The following VEZT variants were observed in gnomAD, a reference collection of about 807,000 sequenced individuals.
VEZT encodes the protein vezatin, adherens junctions transmembrane protein, also known as vezatin.
VEZT carries 39 observed loss-of-function variants against 79.9 expected under a neutral mutation model. That is an observed-to-expected ratio of 0.49 (90% confidence interval 0.38 to 0.64). The LOEUF (loss-of-function observed/expected upper bound fraction) is 0.64. Among genes scored for constraint, VEZT ranks in the 30% least tolerant of loss-of-function variants. The probability of loss-of-function intolerance (pLI) is 0.00; values close to 1 mark genes in which losing one functional copy is unlikely to be tolerated. For synonymous variants in VEZT, 325 were observed against 327.6 expected (o/e 0.99, Z 0.09); for missense variants, 837 against 893.1 (o/e 0.94, Z 0.80).
chr12:95,234,921 C>G (rs1274043102), intron 1 of VEZT, among the ~76,000 whole-genome samples: 1 of 152,060 alleles, frequency 6.6e-6, no homozygotes, highest in Non-Finnish European at 1.5e-5. Context: ...CGCCCTTAAT[C>G]CATTCAACCC....
chr12:95,261,534 C>T (rs910886323), intron 3 of VEZT, among the ~76,000 whole-genome samples: 8 of 152,250 alleles, frequency 5.3e-5, no homozygotes, highest in Middle Eastern at 3.4e-3. Flanking sequence ...GCCTCAGCTT[C>T]CCAAGTAGCC....
At position 95,262,948 on chromosome 12, in the gene VEZT, C is replaced by G. The variant is rs1379635358; in HGVS notation, c.301C>G (p.Gln101Glu). ...RLDSLHTILQQEVLLQEDVEL... is the reference protein window; with the variant it reads ...RLDSLHTILQEEVLLQEDVEL... ...CGACTCATTACATACCATCCTGCAA[C>G]AGGAAGTCCTGTTACAAGAGGATGT... The change falls in exon 4 of 12, where the codon CAG becomes GAG. Residue 101 changes from glutamine to glutamate, a missense_variant. Gln to Glu is a conservative substitution (Grantham distance 29). Transcript: ENST00000436874. The G allele has an allele frequency of 1.2e-6, 2 of 1,611,290 alleles. No homozygotes were observed. Among genetic ancestry groups the G allele is most frequent in the African/African-American group, 1.3e-5 (1 of 74,884 alleles).
chr12:95,282,923 G>A (rs530644878), intron 8 of VEZT, among the ~76,000 whole-genome samples: 1 of 152,314 alleles, frequency 6.6e-6, no homozygotes, highest in South Asian at 2.1e-4. Context: ...CTCTTTGAGA[G>A]CTGAAATGGA....
intron 11 of VEZT, among the ~76,000 whole-genome samples, chr12:95,297,451 T>C (rs1037953678): frequency 6.6e-6 from 1 of 152,098 alleles, no homozygotes. Context: ...AGATCTGCAT[T>C]TCTTGGTTTT....
chr12:95,252,848 C>T (rs937954305), intron 2 of VEZT, among the ~76,000 whole-genome samples: 12 of 152,094 alleles, frequency 7.9e-5, no homozygotes, highest in African/African-American at 1.9e-4. Flanking sequence ...GCCTGTAATC[C>T]CAGCTACTCG....
At chr12:95,266,923 GT>G (rs1403342163) in intron 5 of VEZT, among the ~76,000 whole-genome samples, 2 of 152,184 alleles carry the variant, frequency 1.3e-5, no homozygotes, top group Non-Finnish European at 1.5e-5. Context: ...TATAGAGAGT[GT>G]CTGATACTGA....
At chr12:95,249,171 C>T (rs373474507) in intron 1 of VEZT, among the ~76,000 whole-genome samples, 2 of 152,188 alleles carry the variant, frequency 1.3e-5, no homozygotes, top group South Asian at 2.1e-4. Context: ...GAAATATTTA[C>T]GATCTGGCCT....
At chr12:95,224,238 T>TCC (rs1479666615) in intron 1 of VEZT, 3 of 455,534 alleles carry the variant, frequency 6.6e-6, no homozygotes, top group Non-Finnish European at 1.3e-5. Context: ...GCCAGAGAGG[T>TCC]TTGGGTGTTT....
chr12:95,253,092 G>A (rs552919605), intron 2 of VEZT, among the ~76,000 whole-genome samples: 2 of 152,246 alleles, frequency 1.3e-5, no homozygotes, highest in African/African-American at 4.8e-5. Context: ...ACTTTACTCC[G>A]AGTTTATGTT....
At chr12:95,272,855 C>T (rs1022697183) in intron 6 of VEZT, among the ~76,000 whole-genome samples, 5 of 152,130 alleles carry the variant, frequency 3.3e-5, no homozygotes, top group Non-Finnish European at 7.4e-5. Flanking sequence ...CTCATGTGAT[C>T]CTCCTGCCTT....
intron 3 of VEZT, among the ~76,000 whole-genome samples, chr12:95,261,918 A>T (rs1593604474): frequency 6.6e-6 from 1 of 152,190 alleles, no homozygotes; most frequent in African/African-American, 2.4e-5. Flanking sequence ...GAATTCACCT[A>T]TCTGCCCTAA....
intron 7 of VEZT, among the ~76,000 whole-genome samples, chr12:95,278,773 G>A (rs891480926): frequency 2.6e-5 from 4 of 152,270 alleles, no homozygotes; most frequent in South Asian, 2.1e-4. Flanking sequence ...TTATCCAGGC[G>A]TGAGTCTTAT....
At position 95,296,273 on chromosome 12, in the gene VEZT, T is replaced by G. The variant is rs1464658014; in HGVS notation, c.1831+15T>G. On this transcript the variant is annotated intron_variant, in intron 11 of 11. Coordinates refer to ENST00000436874, the MANE Select transcript of VEZT (RefSeq NM_017599.4). The stretch of plus-strand genomic sequence containing the variant: ...TAGTGATCATGGTAAGCACTGACTT[T>G]AAAGTAACAGGTTATTTCAATGTAG... 1.3e-6 allele frequency: 2 copies of G among 1,558,434 alleles called. No individual in the cohort carries two copies. The highest frequency in any genetic ancestry group is 1.7e-6 in the Non-Finnish European group (2 of 1,151,474).
At chr12:95,245,271 C>A (rs550594111) in intron 1 of VEZT, among the ~76,000 whole-genome samples, 3 of 152,140 alleles carry the variant, frequency 2.0e-5, no homozygotes, top group Admixed American at 6.5e-5. Flanking sequence ...TATCTTGTTT[C>A]TCAGAGTGTC....
At chr12:95,254,704 A>G (rs1264738953) in intron 2 of VEZT, among the ~76,000 whole-genome samples, 1 of 152,280 alleles carries the variant, frequency 6.6e-6, no homozygotes, top group South Asian at 2.1e-4. Context: ...TGTTTAGCTC[A>G]TTGTCAGGGA....
At chr12:95,295,087 A>G (rs545651719) in intron 10 of VEZT, among the ~76,000 whole-genome samples, 1 of 152,344 alleles carries the variant, frequency 6.6e-6, no homozygotes. Flanking sequence ...GCTGAATAGT[A>G]AAACTTAACC....
intron 2 of VEZT, among the ~76,000 whole-genome samples, chr12:95,254,555 C>A (rs572531126): frequency 1.3e-5 from 2 of 152,092 alleles, no homozygotes; most frequent in African/African-American, 2.4e-5. Context: ...CCTTGTTGGC[C>A]AGGCTGGTCT....
chr12:95,237,540 A>G (rs2060360780), intron 1 of VEZT, among the ~76,000 whole-genome samples: 2 of 152,174 alleles, frequency 1.3e-5, no homozygotes. Context: ...AACCTCAGAA[A>G]TGGGCAGTGG....
At chr12:95,241,843 G>T (rs1237140873) in intron 1 of VEZT, among the ~76,000 whole-genome samples, 3 of 152,190 alleles carry the variant, frequency 2.0e-5, no homozygotes, top group Non-Finnish European at 4.4e-5. Flanking sequence ...TTTGTGGAAA[G>T]AAAATGTGAA....
Sources: gnomAD v4.1 joint callset for allele counts (sites outside exome capture counted in the v4.1 genomes callset) on GRCh38, gnomAD v4.1.1 for gene constraint, MANE v1.5 for transcripts, NCBI Gene and HGNC (gene_info 2026-07-23, HGNC 2026-07-21) for gene names.